The following WDR1 variants were observed in gnomAD, a reference collection of about 807,000 sequenced individuals.
WDR1 encodes the protein WD repeat-containing protein 1.
Under a neutral mutation model 71.9 loss-of-function variants are expected in WDR1, and 21 were observed. That is an observed-to-expected ratio of 0.29 (90% CI 0.21 to 0.42). The LOEUF is 0.42. Among genes scored for constraint, WDR1 ranks in the 10% least tolerant of loss-of-function variants. The pLI is 1.00. For synonymous variants in WDR1, 424 were observed against 347.4 expected, an observed-to-expected ratio of 1.22 and a Z score of -2.45; for missense variants, 696 against 824.5, an observed-to-expected ratio of 0.84 and a Z score of 1.91.
intron 2 of WDR1, chr4:10,106,386 T>TTGGGA (rs1474203251): frequency 1.3e-5 from 2 of 152,334 alleles, no homozygotes; most frequent in African/African-American, 4.8e-5. Context: ...AATGATCCAC[T>TTGGGA]TAACAGGCAG....
intron 2 of WDR1, among the ~76,000 whole-genome samples, chr4:10,112,513 T>C (rs1053391359): frequency 3.3e-5 from 5 of 152,192 alleles, no homozygotes; most frequent in Non-Finnish European, 5.9e-5. Context: ...TGTGTTGAAA[T>C]AAACAGGTAA....
rs376638474 is a variant in WDR1 at position 10,081,605 on chromosome 4, A to C, written c.1197-161T>G. ...TAAAATATGGGATGGTAGCGAAAAA[A>C]CGATCCATGACTCTGGTGCAAAGAG... On this transcript the variant is annotated intron_variant, in intron 10 of 14. Coordinates refer to ENST00000499869, the MANE Select transcript of WDR1 (RefSeq NM_017491.5). 5.9e-4 allele frequency among the ~76,000 whole-genome samples: 82 copies of C among 139,584 alleles called. 1 individual carries two copies. Among genetic ancestry groups the C allele is most frequent in the African/African-American group, 2.0e-3 (76 of 37,780 alleles). 91.6% of individuals were successfully genotyped at this position (139,584 alleles called of 152,430 possible).
At chr4:10,115,509 C>T (rs1713657447) in intron 2 of WDR1, among the ~76,000 whole-genome samples, 1 of 152,188 alleles carries the variant, frequency 6.6e-6, no homozygotes, top group African/African-American at 2.4e-5. Context: ...ACTGGAAGAC[C>T]AGGGTATTAA....
At position 10,099,148 on chromosome 4, in the gene WDR1, C is replaced by T. The variant is rs1256933918; in HGVS notation, c.230-9G>A. 1.4e-6 allele frequency: 2 copies of T among 1,425,434 alleles called. No individual in the cohort carries two copies. The highest frequency in any genetic ancestry group is 1.9e-6 in the Non-Finnish European group (2 of 1,055,490). The allele number at this position is 1,425,434 out of a possible 1,614,324, so 88.3% of individuals were successfully genotyped here. A position where few individuals can be genotyped will look rare whatever the true frequency, so the allele number is the denominator to read the frequency against. On this transcript the variant is annotated splice_polypyrimidine_tract_variant and intron_variant, in intron 3 of 14. Transcript: ENST00000499869. Reference sequence around the variant, plus strand: ...CAGCTTCCCAGACACATCTGTGGGGCACAGCGGGCGGGGGAGGGGGGGAGG... The same window carrying T: ...CAGCTTCCCAGACACATCTGTGGGGTACAGCGGGCGGGGGAGGGGGGGAGG...
intron 5 of WDR1, among the ~76,000 whole-genome samples, chr4:10,089,992 G>C (rs140601447): frequency 6.6e-6 from 1 of 152,304 alleles, no homozygotes; most frequent in East Asian, 1.9e-4. Context: ...GCAGGACTTG[G>C]TGTCCTTTTA....
chr4:10,089,199 C>T (rs756144137), intron 5 of WDR1, among the ~76,000 whole-genome samples: 3 of 152,344 alleles, frequency 2.0e-5, no homozygotes, highest in East Asian at 3.9e-4. Flanking sequence ...AGCTCCGCCT[C>T]CCGGGTTCAC....
intron 8 of WDR1, among the ~76,000 whole-genome samples, chr4:10,087,395 A>G (rs930742325): frequency 6.6e-6 from 1 of 152,258 alleles, no homozygotes; most frequent in Admixed American, 6.5e-5. Context: ...GGGAAGGCAG[A>G]GCCCTGCAGG....
chr4:10,116,137 C>G lies in WDR1; in HGVS notation c.114G>C (p.Lys38Asn), dbSNP rs747009316. ...CGTCGATGTTCCTTAGGATGACGCA[C>G]TTTCCATTGGTGTACAGAAAATTGT... is the stretch of plus-strand genomic sequence containing the variant. ...KGNNFLYTNG[K>N]CVILRNIDNP... The change falls in exon 2 of 15, where the codon AAG (lysine) becomes AAC (asparagine). Residue 38 changes from lysine (K) to asparagine (N), a missense_variant. Coordinates refer to ENST00000499869, the MANE Select transcript of WDR1 (RefSeq NM_017491.5). 1.2e-6 allele frequency: 2 copies of G among 1,613,708 alleles called. No homozygotes were observed. The highest frequency in any genetic ancestry group is 1.1e-5 in the South Asian group (1 of 91,046).
At chr4:10,078,760 C>A (rs1388737102) in intron 12 of WDR1, 131 bp downstream of exon 12, 1 of 737,584 alleles carries the variant, frequency 1.4e-6, no homozygotes, top group African/African-American at 1.8e-5. Context: ...GTCCCACGCC[C>A]CGACTGCCCC....
chr4:10,106,013 T>G (rs1712989089), intron 2 of WDR1, among the ~76,000 whole-genome samples: 1 of 149,732 alleles, frequency 6.7e-6, no homozygotes, highest in Non-Finnish European at 1.5e-5. Context: ...CAGAAAAGAC[T>G]ACACATTGCC....
At chr4:10,080,444 AC>A (rs1421422665) in intron 11 of WDR1, among the ~76,000 whole-genome samples, 2 of 151,704 alleles carry the variant, frequency 1.3e-5, no homozygotes, top group African/African-American at 4.8e-5. Context: ...GCACCTCCCC[AC>A]CCCCACTGGC....
chr4:10,091,506 A>C (rs1039026074), intron 5 of WDR1: 3 of 152,220 alleles, frequency 2.0e-5, no homozygotes, highest in African/African-American at 7.2e-5. Flanking sequence ...GCAGCGGGTA[A>C]CTCAAAGCCA....
Position 10,078,895 on chromosome 4 carries a change from C to A in WDR1, c.1391G>T (p.Gly464Val), listed in dbSNP as rs772812890. 3 of 1,612,070 alleles carry A rather than the reference C, an allele frequency of 1.9e-6. No individual in the cohort carries two copies. Among genetic ancestry groups the A allele is most frequent in the Non-Finnish European group, 2.5e-6 (3 of 1,178,884 alleles). The change falls in exon 12 of 15, where the codon GGT (glycine) becomes GTT (valine). Residue 464 changes from glycine (G) to valine (V), a missense_variant. Transcript: ENST00000499869. Reference sequence around the variant, plus strand: ...GGGGAGAGGAAAGCGACTTACCACACCCCCAATTGCCACCGTGTCCCCGCC... The same window carrying A: ...GGGGAGAGGAAAGCGACTTACCACAACCCCAATTGCCACCGTGTCCCCGCC... ...HPGGDTVAIGGVDGNVRLYSI... is the reference protein window; with the variant it reads ...HPGGDTVAIGVVDGNVRLYSI...
In WDR1 at chr4:10,098,010, G is replaced by A. The variant is rs999982294; in HGVS notation, c.378-119C>T. ...ACAGAGGATGGAGTGACTGTCAGCA[G>A]GCAGCTCAGAACGCCACAGGGACAA... On this transcript the variant is annotated intron_variant, in intron 4 of 14. Coordinates refer to ENST00000499869, the MANE Select transcript of WDR1 (RefSeq NM_017491.5). The A allele has an allele frequency of 1.2e-5, 13 of 1,084,836 alleles. No homozygotes were observed. In the Admixed American group the frequency reaches 3.6e-4, roughly 30 times the overall value. The allele number at this position is 1,084,836 out of a possible 1,614,324, so 67.2% of individuals were successfully genotyped here. A position where few individuals can be genotyped will look rare whatever the true frequency, so the allele number is the denominator to read the frequency against.
rs1296414833 is a variant in WDR1, at chr4:10,087,755, G to T, written c.903C>A (p.Ile301=). ...HLLSVSLSGY[I]NYLDRNNPSK... is the part of the protein sequence containing the mutation. ...TGGGGTTGTTTCTGTCCAGATAGTT[G>T]ATGTACCCGGACAGGGAGACACTGA... Residue 301 remains isoleucine (I), a synonymous_variant, in exon 8 of 15, where the codon ATC becomes ATA. Transcript: ENST00000499869. The T allele has an allele frequency of 6.2e-7, 1 of 1,602,700 alleles. No individual in the cohort carries two copies. The highest frequency in any genetic ancestry group is 1.7e-5 in the Admixed American group (1 of 58,328).
intron 5 of WDR1, among the ~76,000 whole-genome samples, chr4:10,095,247 G>A (rs1239307104): frequency 2.0e-5 from 3 of 152,204 alleles, no homozygotes; most frequent in Non-Finnish European, 4.4e-5. Flanking sequence ...AAGATCTGGG[G>A]AAAAAAGACC....
intron 9 of WDR1, chr4:10,083,750 G>A (rs891807255): frequency 4.4e-5 from 20 of 453,088 alleles, no homozygotes; most frequent in Non-Finnish European, 8.5e-5. Flanking sequence ...GTGGCTCCAA[G>A]GTTCAAGACA....
chr4:10,084,078 A>C (rs1765114050), intron 9 of WDR1, among the ~76,000 whole-genome samples: 1 of 152,160 alleles, frequency 6.6e-6, no homozygotes, highest in Non-Finnish European at 1.5e-5. Flanking sequence ...GAATCAAGAA[A>C]CCCACCATGT....
In WDR1 at chr4:10,088,761, T is replaced by C. The variant is rs766141542; in HGVS notation, c.559-20A>G. On this transcript the variant is annotated intron_variant, in intron 5 of 14. Coordinates refer to ENST00000499869, the MANE Select transcript of WDR1 (RefSeq NM_017491.5). Reference sequence around the variant, plus strand: ...GTGGTCCTGCAGGAAAACAATTACCTGCCTGATGAGGGGCCGCAGGCCTGA... The same window carrying C: ...GTGGTCCTGCAGGAAAACAATTACCCGCCTGATGAGGGGCCGCAGGCCTGA... 3.2e-6 allele frequency: 5 copies of C among 1,573,324 alleles called. No homozygotes were observed. Among genetic ancestry groups the C allele is most frequent in the Non-Finnish European group, 4.3e-6 (5 of 1,157,166 alleles).
Sources: allele counts gnomAD v4.1 joint callset (sites outside exome capture counted in the v4.1 genomes callset), GRCh38; gene constraint gnomAD v4.1.1; transcripts MANE v1.5; gene names NCBI Gene and HGNC (gene_info 2026-07-23, HGNC 2026-07-21).